ATOH8: variants seen among roughly 807,000 people sequenced by gnomAD.
ATOH8 encodes transcription factor ATOH8.
In ATOH8, 9 loss-of-function variants were observed where a neutral mutation model predicts 21.2. The ratio of observed to expected loss-of-function variants is 0.42; its 90% CI spans 0.26 to 0.74. The LOEUF (loss-of-function observed/expected upper bound fraction) is 0.74. Ranked by LOEUF, ATOH8 falls within the 30% of genes least tolerant of loss-of-function variation. The pLI is 0.24. For missense variants in ATOH8, 524 were observed against 470.9 expected, an observed-to-expected ratio of 1.11 and a Z score of -1.04; for synonymous variants, 253 against 224.0, an observed-to-expected ratio of 1.13 and a Z score of -1.16.
At chr2:85,775,989 T>G (rs964783833) in intron 2 of ATOH8, among the ~76,000 whole-genome samples, 4 of 152,066 alleles carry the variant, frequency 2.6e-5, no homozygotes, top group African/African-American at 9.7e-5. Context: ...AGTGCTGAGG[T>G]TCACAGAACT....
chr2:85,780,502 A>C (rs913880123), intron 2 of ATOH8: 1 of 152,352 alleles, frequency 6.6e-6, no homozygotes, highest in Non-Finnish European at 1.5e-5. Flanking sequence ...CTGTCTGCAC[A>C]GCACGGCTGA....
chr2:85,754,487 C>A lies in ATOH8; in HGVS notation c.298C>A (p.Arg100=). Residue 100 remains arginine, a synonymous_variant, in exon 1 of 3, where the codon CGG becomes AGG. Coordinates refer to ENST00000306279, the MANE Select transcript of ATOH8 (RefSeq NM_032827.7). The part of the protein sequence containing the change: ...TDTAGERGGS[R]APEVSDARKR... ...CACAGCCGGGGAGCGCGGGGGCTCT[C>A]GGGCGCCCGAGGTCTCCGACGCGCG... is the stretch of plus-strand genomic sequence containing the variant. The A allele has an allele frequency of 6.9e-7, 1 of 1,441,122 alleles. No homozygotes were observed. Among genetic ancestry groups the A allele is most frequent in the Non-Finnish European group, 9.0e-7 (1 of 1,106,864 alleles). 89.3% of individuals were successfully genotyped at this position (1,441,122 alleles called of 1,614,324 possible).
At chr2:85,761,246 C>T (rs899727181) in intron 1 of ATOH8, among the ~76,000 whole-genome samples, 6 of 152,136 alleles carry the variant, frequency 3.9e-5, no homozygotes, top group Non-Finnish European at 4.4e-5. Context: ...AGGCTCCAGC[C>T]GGGTCTTAGC....
chr2:85,758,867 G>C (rs909539805), intron 1 of ATOH8, among the ~76,000 whole-genome samples: 1 of 151,716 alleles, frequency 6.6e-6, no homozygotes, highest in Non-Finnish European at 1.5e-5. Flanking sequence ...GGGTCAAAGG[G>C]AAAGGCTGGC....
intron 2 of ATOH8, chr2:85,780,849 C>T (rs1035954968): frequency 3.1e-6 from 3 of 983,280 alleles, no homozygotes; most frequent in Non-Finnish European, 2.4e-6. Flanking sequence ...ATGTTCCCGC[C>T]CCCCGCAAAT....
chr2:85,763,544 A>G (rs13013824), intron 1 of ATOH8, among the ~76,000 whole-genome samples: 119,980 of 152,114 alleles, frequency 0.79, 47,727 homozygotes, highest in Non-Finnish European at 0.85. Flanking sequence ...TAAGTTCTCT[A>G]AAGTAGGAAT....
At chr2:85,772,067 G>A (rs12989354) in intron 2 of ATOH8, among the ~76,000 whole-genome samples, 62,410 of 152,234 alleles carry the variant, frequency 0.41, 13,859 homozygotes, top group Non-Finnish European at 0.5. Context: ...GCCTGGTGCC[G>A]TCCCTTGCCC....
chr2:85,774,763 G>A (rs1467544153), intron 2 of ATOH8: 47 of 985,394 alleles, frequency 4.8e-5, no homozygotes, highest in Non-Finnish European at 5.3e-5. Context: ...GGCCCTGGCC[G>A]GTCACTCCCT....
chr2:85,758,063 G>A (rs770661302), intron 1 of ATOH8, among the ~76,000 whole-genome samples: 1 of 152,110 alleles, frequency 6.6e-6, no homozygotes, highest in African/African-American at 2.4e-5. Context: ...CTAGGATTAC[G>A]GGCATGAGCC....
intron 2 of ATOH8, chr2:85,774,856 T>A: frequency 1.1e-6 from 1 of 921,966 alleles, no homozygotes; most frequent in Non-Finnish European, 1.3e-6. Context: ...CCATCCCTTC[T>A]GCCTGGAATG....
At chr2:85,774,315 A>G in intron 2 of ATOH8, 1 of 985,506 alleles carries the variant, frequency 1.0e-6, no homozygotes, top group South Asian at 4.7e-5. Flanking sequence ...TGCCCTGCCC[A>G]CTGCTCAGCC....
chr2:85,754,705 A>C lies in ATOH8; in HGVS notation c.516A>C (p.Pro172=). The part of the protein sequence containing the change: ...RPAPSAPPAP[P]APPESTVRPA... ...CGCCGTCAGCACCCCCAGCACCGCC[A>C]GCGCCCCCGGAGTCCACTGTGCGCC... Residue 172 remains proline, a synonymous_variant, in exon 1 of 3, where the codon CCA becomes CCC. Coordinates refer to ENST00000306279, the MANE Select transcript of ATOH8 (RefSeq NM_032827.7). The C allele has an allele frequency of 6.2e-7, 1 of 1,609,028 alleles. No homozygotes were observed. Among genetic ancestry groups the C allele is most frequent in the Non-Finnish European group, 8.5e-7 (1 of 1,178,178 alleles).
At chr2:85,781,623 C>T (rs1247196216) in intron 2 of ATOH8, among the ~76,000 whole-genome samples, 1 of 151,888 alleles carries the variant, frequency 6.6e-6, no homozygotes, top group Non-Finnish European at 1.5e-5. Context: ...CATCTGTAAT[C>T]CTAGCACTTT....
chr2:85,772,310 TC>T (rs1680205274), intron 2 of ATOH8, among the ~76,000 whole-genome samples: 1 of 152,192 alleles, frequency 6.6e-6, no homozygotes, highest in Non-Finnish European at 1.5e-5. Flanking sequence ...TGGTTCCCAT[TC>T]GGGCGCTGTG....
At chr2:85,769,899 C>A (rs74445228) in intron 2 of ATOH8, among the ~76,000 whole-genome samples, 1 of 152,318 alleles carries the variant, frequency 6.6e-6, no homozygotes, top group Non-Finnish European at 1.5e-5. Flanking sequence ...ATTGTCAGCC[C>A]TGCTGAGGCC....
At chr2:85,755,024 G>A in intron 1 of ATOH8, 67 bp downstream of exon 1, 1 of 1,489,714 alleles carries the variant, frequency 6.7e-7, no homozygotes. Context: ...TGGGCGAGTG[G>A]CCGGGGCGGG....
At position 85,766,151 on chromosome 2, in the gene ATOH8, G is replaced by A. The variant is rs77534466; in HGVS notation, c.960+1969G>A. 0.036 allele frequency among the ~76,000 whole-genome samples: 5,516 copies of A among 152,164 alleles called. 340 individuals are homozygous for A. The highest frequency in any genetic ancestry group is 0.13 in the African/African-American group (5,257 of 41,472). ...ATGAAAGGAGTTACTGCAGGAGAGC[G>A]TGTGGTGTCTGCATGGTCACCGTCC... On this transcript the variant is annotated intron_variant, in intron 2 of 2. Transcript: ENST00000306279. The surrounding 1 kb of genome is among the most constrained non-coding windows in gnomAD (Gnocchi z 4.0).
rs73945815 is a variant in ATOH8 at position 85,786,244 on chromosome 2, G to A, written c.961-641G>A. ...GGGTCCCCCTTCCTCTGTGTCCCCTGACTCCACTGCAATCAAATAGACAGA... is the reference window on the plus strand; with the variant it reads ...GGGTCCCCCTTCCTCTGTGTCCCCTAACTCCACTGCAATCAAATAGACAGA... On this transcript the variant is annotated intron_variant, in intron 2 of 2. Transcript: ENST00000306279. 3.7e-3 allele frequency among the ~76,000 whole-genome samples: 566 copies of A among 152,300 alleles called. 6 individuals carry two copies. The highest frequency in any genetic ancestry group is 0.013 in the African/African-American group (530 of 41,568).
In ATOH8 at chr2:85,791,118, A is replaced by G. The variant is rs1018374876; in HGVS notation, c.*4228A>G. 3.3e-5 allele frequency among the ~76,000 whole-genome samples: 5 copies of G among 151,966 alleles called. No individual in the cohort carries two copies. Among genetic ancestry groups the G allele is most frequent in the Admixed American group, 2.6e-4 (4 of 15,276 alleles). On this transcript the variant is annotated 3_prime_UTR_variant, in exon 3 of 3. Transcript: ENST00000306279. ...TTGCCCCCAGGTTTTGCCCTCCCAC[A>G]TGTCTCCCTTCTGGTGACCCGGACC...
Sources: gnomAD v4.1 joint callset for allele counts (sites outside exome capture counted in the v4.1 genomes callset) on GRCh38, gnomAD v4.1.1 for gene constraint, Gnocchi (gnomAD v3.1) non-coding constraint, MANE v1.5 for transcripts, NCBI Gene and HGNC (gene_info 2026-07-23, HGNC 2026-07-21) for gene names.